CPQ: variants seen among roughly 807,000 people sequenced by gnomAD.
CPQ encodes the protein carboxypeptidase Q, also known as Ser-Met dipeptidase.
CPQ carries 37 observed loss-of-function variants against 45.7 expected under a neutral mutation model. The observed-to-expected ratio is 0.81, with a 90% CI of 0.62 to 1.07. The LOEUF is 1.07. CPQ is among the 50% of genes least tolerant of loss of function. The probability of loss-of-function intolerance (pLI) is 0.00; values close to 1 mark genes in which losing one functional copy is unlikely to be tolerated. For synonymous variants in CPQ, 186 were observed against 205.8 expected (o/e 0.90, Z 0.82); for missense variants, 537 against 572.9 (o/e 0.94, Z 0.64).
At chr8:96,862,584 G>A (rs1364984104) in intron 3 of CPQ, among the ~76,000 whole-genome samples, 1 of 152,000 alleles carries the variant, frequency 6.6e-6, no homozygotes, top group Non-Finnish European at 1.5e-5. Flanking sequence ...GATGTGATTA[G>A]GGCTTAGAAT....
At chr8:96,667,276 C>T (rs114360537) in intron 1 of CPQ, among the ~76,000 whole-genome samples, 3,539 of 151,502 alleles carry the variant, frequency 0.023, 151 homozygotes, top group African/African-American at 0.081. Context: ...TTTTATAAAT[C>T]ATAATGTAGT....
At chr8:96,830,270 T>C (rs1362854394) in intron 2 of CPQ, among the ~76,000 whole-genome samples, 1 of 152,182 alleles carries the variant, frequency 6.6e-6, no homozygotes, top group Non-Finnish European at 1.5e-5. Context: ...TATAAGTCTT[T>C]TTATTTTGAT....
intron 7 of CPQ, among the ~76,000 whole-genome samples, chr8:97,108,765 T>C (rs1178298846): frequency 6.6e-6 from 1 of 152,216 alleles, no homozygotes; most frequent in Non-Finnish European, 1.5e-5. Context: ...TTAAAACATA[T>C]TTTGAAGAAT....
At chr8:96,829,373 GT>G (rs1811420098) in intron 2 of CPQ, among the ~76,000 whole-genome samples, 1 of 152,084 alleles carries the variant, frequency 6.6e-6, no homozygotes, top group Non-Finnish European at 1.5e-5. Flanking sequence ...TTTGCCCCTT[GT>G]TCCTCTTTCT....
intron 3 of CPQ, among the ~76,000 whole-genome samples, chr8:96,856,223 A>G (rs1811848862): frequency 6.6e-6 from 1 of 152,228 alleles, no homozygotes; most frequent in Non-Finnish European, 1.5e-5. Flanking sequence ...TGTGTGGAGC[A>G]GGAATGTTGT....
intron 5 of CPQ, among the ~76,000 whole-genome samples, chr8:97,015,975 T>C (rs1330073048): frequency 6.6e-6 from 1 of 152,152 alleles, no homozygotes; most frequent in African/African-American, 2.4e-5. Flanking sequence ...AGTATAACAA[T>C]ATTCTTACAA....
intron 2 of CPQ, among the ~76,000 whole-genome samples, chr8:96,797,042 T>C (rs1810939704): frequency 6.6e-6 from 1 of 152,248 alleles, no homozygotes; most frequent in African/African-American, 2.4e-5. Flanking sequence ...AGAATAATTC[T>C]GTAGAACCAG....
intron 4 of CPQ, among the ~76,000 whole-genome samples, chr8:96,961,482 C>T (rs943607642): frequency 4.6e-5 from 7 of 152,050 alleles, no homozygotes; most frequent in Non-Finnish European, 8.8e-5. Context: ...ATGTCTTCTT[C>T]TAATTTCTAG....
intron 1 of CPQ, among the ~76,000 whole-genome samples, chr8:96,649,461 G>T (rs1475856586): frequency 6.6e-6 from 1 of 152,230 alleles, no homozygotes; most frequent in Non-Finnish European, 1.5e-5. Context: ...ACTAAGATAG[G>T]TTTGAGAGAC....
intron 7 of CPQ, among the ~76,000 whole-genome samples, chr8:97,086,322 A>G (rs947595854): frequency 2.0e-5 from 3 of 152,230 alleles, no homozygotes; most frequent in African/African-American, 7.2e-5. Context: ...ATTGAAGACC[A>G]TAAGGTGCCA....
At chr8:96,686,339 GATATTTTGTC>G (rs1809226697) in intron 1 of CPQ, among the ~76,000 whole-genome samples, 1 of 151,988 alleles carries the variant, frequency 6.6e-6, no homozygotes, top group Admixed American at 6.6e-5. Flanking sequence ...ATGCAACAGA[GATATTTTGTC>G]ATATTAAGAG....
chr8:97,065,596 T>G (rs1323286675), intron 6 of CPQ, among the ~76,000 whole-genome samples: 2 of 152,166 alleles, frequency 1.3e-5, no homozygotes, highest in Non-Finnish European at 2.9e-5. Flanking sequence ...AGAAATAAGT[T>G]CACAGAGCAT....
intron 1 of CPQ, among the ~76,000 whole-genome samples, chr8:96,739,791 T>C (rs1810054816): frequency 6.6e-6 from 1 of 150,916 alleles, no homozygotes; most frequent in Admixed American, 6.6e-5. Context: ...GCATTATTTC[T>C]GAGGGCTCTG....
intron 4 of CPQ, among the ~76,000 whole-genome samples, chr8:96,953,195 AAGCCCATCCTTCCTTTTCAT>A (rs1813295920): frequency 6.6e-6 from 1 of 152,152 alleles, no homozygotes; most frequent in Non-Finnish European, 1.5e-5. Context: ...TGGTCATAAT[AAGCCCATCCTTCCTTTTCAT>A]AGAGGTTGAT....
At chr8:96,960,770 G>T (rs1813446675) in intron 4 of CPQ, among the ~76,000 whole-genome samples, 1 of 152,136 alleles carries the variant, frequency 6.6e-6, no homozygotes, top group Admixed American at 6.5e-5. Context: ...TAGTTTAGTT[G>T]AAATTTATAT....
chr8:96,712,341 G>A (rs1041259766), intron 1 of CPQ, among the ~76,000 whole-genome samples: 2 of 152,166 alleles, frequency 1.3e-5, no homozygotes, highest in Admixed American at 6.5e-5. Context: ...TCTTCTCACA[G>A]CTCCACTAGG....
At chr8:96,938,938 A>G (rs1813088496) in intron 4 of CPQ, among the ~76,000 whole-genome samples, 3 of 152,200 alleles carry the variant, frequency 2.0e-5, no homozygotes, top group African/African-American at 7.2e-5. Context: ...CTTTTTGTTA[A>G]CACAATTTGT....
intron 7 of CPQ, 101 bp downstream of exon 7, chr8:97,066,311 G>T: frequency 9.5e-7 from 1 of 1,053,996 alleles, no homozygotes. Context: ...AGGCCAGGTT[G>T]TCCACGGAAA....
intron 3 of CPQ, among the ~76,000 whole-genome samples, chr8:96,875,780 T>C (rs1197049733): frequency 2.0e-5 from 3 of 151,988 alleles, no homozygotes; most frequent in African/African-American, 7.2e-5. Context: ...TTTGTTTATT[T>C]TGAATGATTT....
Sources: gnomAD v4.1 joint callset for allele counts (sites outside exome capture counted in the v4.1 genomes callset) on GRCh38, gnomAD v4.1.1 for gene constraint, MANE v1.5 for transcripts, NCBI Gene and HGNC (gene_info 2026-07-23, HGNC 2026-07-21) for gene names.